NLK: variants seen among roughly 807,000 people sequenced by gnomAD.
NLK encodes serine/threonine-protein kinase NLK.
Under a neutral mutation model 59.0 loss-of-function variants are expected in NLK, and 11 were observed. That is an observed-to-expected ratio of 0.19 (90% CI 0.12 to 0.31). NLK has a LOEUF of 0.31. Among genes scored for constraint, NLK ranks in the 10% least tolerant of loss-of-function variants. NLK has a pLI of 1.00. For synonymous variants in NLK, 235 were observed against 235.9 expected (o/e 1.00, Z 0.03); for missense variants, 410 against 661.1 (o/e 0.62, Z 4.16).
At chr17:28,163,491 G>T in intron 4 of NLK, 52 bp from the exon 5 acceptor site, 1 of 1,039,216 alleles carries the variant, frequency 9.6e-7, no homozygotes. Flanking sequence ...TTAAATTATT[G>T]GTTGAGTAAA....
At chr17:28,168,370 C>G in intron 5 of NLK, 78 bp from the exon 6 acceptor site, 1 of 1,050,598 alleles carries the variant, frequency 9.5e-7, no homozygotes, top group Non-Finnish European at 1.5e-6. Context: ...GTTCAGTGCC[C>G]TATCAAAATT....
chr17:28,173,302 G>T (rs924380824), intron 7 of NLK, among the ~76,000 whole-genome samples: 1 of 152,168 alleles, frequency 6.6e-6, no homozygotes, highest in African/African-American at 2.4e-5. Context: ...GATAAGACTT[G>T]AACAGGATGA....
chr17:28,112,929 A>G (rs1459217143), intron 1 of NLK, among the ~76,000 whole-genome samples: 1 of 152,202 alleles, frequency 6.6e-6, no homozygotes, highest in Non-Finnish European at 1.5e-5. Context: ...CATAAAAAAG[A>G]CATTATAGTA....
At chr17:28,110,479 GT>G (rs1597686326) in intron 1 of NLK, among the ~76,000 whole-genome samples, 3 of 147,112 alleles carry the variant, frequency 2.0e-5, no homozygotes. Context: ...TCCTACTTGG[GT>G]TTTTTGGGTT....
intron 1 of NLK, among the ~76,000 whole-genome samples, chr17:28,078,599 T>TA (rs981517805): frequency 3.3e-5 from 5 of 152,178 alleles, no homozygotes; most frequent in African/African-American, 1.2e-4. Context: ...AGTCACCTTA[T>TA]AGCCAGTTTC....
chr17:28,146,267 A>T (rs1328490366), intron 3 of NLK, among the ~76,000 whole-genome samples: 2 of 151,848 alleles, frequency 1.3e-5, no homozygotes, highest in Non-Finnish European at 2.9e-5. Context: ...ATTCTTACTC[A>T]CAGTTATTTT....
intron 1 of NLK, among the ~76,000 whole-genome samples, chr17:28,059,269 A>G (rs562956941): frequency 1.2e-4 from 19 of 152,184 alleles, no homozygotes; most frequent in South Asian, 1.0e-3. Context: ...ACCCGATGGT[A>G]TTGGTTTTGT....
intron 2 of NLK, among the ~76,000 whole-genome samples, chr17:28,129,309 C>T (rs1476683926): frequency 1.3e-5 from 2 of 151,988 alleles, no homozygotes; most frequent in Admixed American, 6.6e-5. Context: ...AAAAGTTAGC[C>T]GGGCATGGTG....
At chr17:28,125,155 T>G (rs1378636048) in intron 2 of NLK, among the ~76,000 whole-genome samples, 1 of 152,244 alleles carries the variant, frequency 6.6e-6, no homozygotes, top group African/African-American at 2.4e-5. Flanking sequence ...AATAAGCTGC[T>G]GTTTGTCTAG....
At chr17:28,110,159 T>C (rs534238009) in intron 1 of NLK, among the ~76,000 whole-genome samples, 4 of 152,364 alleles carry the variant, frequency 2.6e-5, no homozygotes, top group African/African-American at 9.6e-5. Flanking sequence ...TTTTATTCTT[T>C]ATGATTCTGT....
chr17:28,164,289 G>T (rs1908129288), intron 5 of NLK, among the ~76,000 whole-genome samples: 1 of 151,094 alleles, frequency 6.6e-6, no homozygotes, highest in Non-Finnish European at 1.5e-5. Context: ...AGGATCACCT[G>T]AGCCCAGAGC....
intron 1 of NLK, among the ~76,000 whole-genome samples, chr17:28,114,534 A>T (rs1199090651): frequency 1.3e-5 from 2 of 152,218 alleles, no homozygotes; most frequent in Non-Finnish European, 2.9e-5. Context: ...TAATGTAGAT[A>T]TGAAAAGACG....
At chr17:28,158,252 A>G (rs1197634116) in intron 3 of NLK, among the ~76,000 whole-genome samples, 3 of 152,204 alleles carry the variant, frequency 2.0e-5, no homozygotes, top group Admixed American at 6.5e-5. Context: ...CTTTAATACA[A>G]TAATAAGTAT....
intron 1 of NLK, among the ~76,000 whole-genome samples, chr17:28,044,385 T>G: frequency 6.6e-6 from 1 of 152,218 alleles, no homozygotes; most frequent in Non-Finnish European, 1.5e-5. Context: ...CCTTTCGTCA[T>G]TGTTTTTGAG....
intron 5 of NLK, among the ~76,000 whole-genome samples, chr17:28,166,532 A>G (rs1908244747): frequency 6.6e-6 from 1 of 152,172 alleles, no homozygotes; most frequent in African/African-American, 2.4e-5. Flanking sequence ...GGGGACTTCA[A>G]TTTAGAAAAC....
Position 28,125,424 on chromosome 17 carries a change from A to G in NLK, c.588+2692A>G, listed in dbSNP as rs112419008. 6.4e-3 allele frequency among the ~76,000 whole-genome samples: 979 copies of G among 152,300 alleles called. 15 individuals are homozygous for G. Among genetic ancestry groups the G allele is most frequent in the African/African-American group, 0.022 (914 of 41,554 alleles). ...AGTTTTTTTCATTTTCGAAGCAGGC[A>G]TGGTAAAAGCAGAAATAACTGTGTA... On this transcript the variant is annotated intron_variant, in intron 2 of 10. Coordinates refer to ENST00000407008, the MANE Select transcript of NLK (RefSeq NM_016231.5).
At chr17:28,071,210 T>C (rs1362865092) in intron 1 of NLK, among the ~76,000 whole-genome samples, 14 of 152,226 alleles carry the variant, frequency 9.2e-5, no homozygotes, top group Admixed American at 9.2e-4. Context: ...AAAGTAACTC[T>C]TGAAGTCAGA....
At chr17:28,120,231 T>G (rs1376692534) in intron 1 of NLK, among the ~76,000 whole-genome samples, 1 of 134,600 alleles carries the variant, frequency 7.4e-6, no homozygotes, top group African/African-American at 2.8e-5. Context: ...CAGATTTGGC[T>G]TGGGGTGTGT....
intron 1 of NLK, chr17:28,061,902 TACATATATACATATATATAC>T (rs1173744257): frequency 4.8e-5 from 7 of 144,352 alleles, no homozygotes; most frequent in Non-Finnish European, 9.0e-5. Context: ...TACATATACA[TACATATATACATATATATAC>T]ATATATATAT....
Sources: allele counts gnomAD v4.1 joint callset (sites outside exome capture counted in the v4.1 genomes callset), GRCh38; gene constraint gnomAD v4.1.1; transcripts MANE v1.5; gene names NCBI Gene and HGNC (gene_info 2026-07-23, HGNC 2026-07-21).